GRM5: variants seen among roughly 807,000 people sequenced by gnomAD.
GRM5 encodes the protein glutamate metabotropic receptor 5.
A neutral mutation model predicts 83.1 loss-of-function variants in GRM5; 19 were observed. The ratio of observed to expected loss-of-function variants is 0.23; its 90% CI spans 0.16 to 0.34. The LOEUF (loss-of-function observed/expected upper bound fraction) is 0.34. Among genes scored for constraint, GRM5 ranks in the 10% least tolerant of loss-of-function variants. GRM5 has a pLI of 1.00. For synonymous variants in GRM5, 675 were observed against 633.6 expected, an observed-to-expected ratio of 1.07 and a Z score of -0.98; for missense variants, 1,160 against 1,588.3, an observed-to-expected ratio of 0.73 and a Z score of 4.58.
At chr11:88,597,395 A>T in intron 5 of GRM5, 43 bp from the exon 6 acceptor site, 1 of 1,075,202 alleles carries the variant, frequency 9.3e-7, no homozygotes, top group Non-Finnish European at 1.3e-6. Flanking sequence ...TAAGATGTAA[A>T]TACTCAGCTT....
chr11:88,635,855 C>T (rs1939104452), intron 4 of GRM5, among the ~76,000 whole-genome samples: 1 of 152,154 alleles, frequency 6.6e-6, no homozygotes, highest in African/African-American at 2.4e-5. Context: ...TGAGTTGATT[C>T]TCGTCTATGG....
chr11:88,736,098 C>T (rs890127026), intron 3 of GRM5, among the ~76,000 whole-genome samples: 15 of 151,956 alleles, frequency 9.9e-5, no homozygotes, highest in African/African-American at 3.4e-4. Flanking sequence ...CTTAGAAAAA[C>T]CTGTTCACCA....
Position 88,857,767 on chromosome 11 carries a change from G to A in GRM5, c.662-7612C>T, listed in dbSNP as rs145970771. On this transcript the variant is annotated intron_variant, in intron 2 of 9. Transcript: ENST00000305447. ...AAACATTGTATATACTTATTTTTAT[G>A]CAAATAAAGAAGGAAGTTAAATGAT... Among the ~76,000 whole-genome samples, 928 of 151,938 alleles carry A rather than the reference G, an allele frequency of 6.1e-3. 14 individuals carry two copies. Among genetic ancestry groups the A allele is most frequent in the African/African-American group, 0.021 (873 of 41,438 alleles).
At chr11:89,016,413 T>C (rs1020750055) in intron 2 of GRM5, among the ~76,000 whole-genome samples, 2 of 151,910 alleles carry the variant, frequency 1.3e-5, no homozygotes, top group African/African-American at 4.8e-5. Flanking sequence ...CTGACATGTC[T>C]TTATATAAGG....
At chr11:88,640,856 G>C (rs183157683) in intron 4 of GRM5, among the ~76,000 whole-genome samples, 3 of 152,234 alleles carry the variant, frequency 2.0e-5, no homozygotes, top group African/African-American at 7.2e-5. Flanking sequence ...TTCAGCTATT[G>C]GGAGGCTATC....
chr11:88,507,525 A>G lies in GRM5; in HGVS notation c.*1067T>C, dbSNP rs1941208861. On this transcript the variant is annotated 3_prime_UTR_variant, in exon 10 of 10. Coordinates refer to ENST00000305447, the MANE Select transcript of GRM5 (RefSeq NM_001143831.3). Reference sequence around the variant, plus strand: ...TCATGACAATGTCTTCATGGGGTCTATGGACCACTCTTCCAGTGGTGGGAC... The same window carrying G: ...TCATGACAATGTCTTCATGGGGTCTGTGGACCACTCTTCCAGTGGTGGGAC... The G allele has an allele frequency of 6.6e-6, 1 of 152,216 alleles. No individual in the cohort carries two copies. The highest frequency in any genetic ancestry group is 1.5e-5 in the Non-Finnish European group (1 of 68,022). 9.4% of individuals were successfully genotyped at this position (152,216 alleles called of 1,614,324 possible).
chr11:88,686,491 C>T (rs1035346893), intron 3 of GRM5, among the ~76,000 whole-genome samples: 5 of 152,000 alleles, frequency 3.3e-5, no homozygotes, highest in East Asian at 3.9e-4. Context: ...AGGGAAGACA[C>T]GCTTGGTTTT....
intron 4 of GRM5, among the ~76,000 whole-genome samples, chr11:88,630,497 C>T (rs1938933090): frequency 6.6e-6 from 1 of 151,292 alleles, no homozygotes. Context: ...TCCAGGGTTG[C>T]CCAATGTTGC....
intron 3 of GRM5, among the ~76,000 whole-genome samples, chr11:88,709,536 A>ACC (rs143661581): frequency 3.8e-4 from 58 of 152,198 alleles, no homozygotes; most frequent in Non-Finnish European, 4.9e-4. Flanking sequence ...TCAAAATCCA[A>ACC]CCCACCTCTC....
At chr11:88,791,821 A>G (rs1250485106) in intron 3 of GRM5, among the ~76,000 whole-genome samples, 1 of 152,096 alleles carries the variant, frequency 6.6e-6, no homozygotes, top group Admixed American at 6.5e-5. Flanking sequence ...AGAGGTTTAT[A>G]TTCTTTCATT....
rs372994807 is a variant in GRM5, at chr11:88,509,683, CTTGTT to C, written c.2727-184_2727-180del. Among the ~76,000 whole-genome samples, 900 of 152,290 alleles carry C rather than the reference CTTGTT, an allele frequency of 5.9e-3. 11 individuals are homozygous for C. Among genetic ancestry groups the C allele is most frequent in the African/African-American group, 0.02 (847 of 41,566 alleles). On this transcript the variant is annotated intron_variant, in intron 9 of 9. Coordinates refer to ENST00000305447, the MANE Select transcript of GRM5 (RefSeq NM_001143831.3). Reference sequence around the variant, plus strand: ...AGACCTTGGAAGTGGCTTTCCTTTGCTTGTTTTGAGTTAAAGACTGCTTTCTATAT... The same window carrying C: ...AGACCTTGGAAGTGGCTTTCCTTTGCTTGAGTTAAAGACTGCTTTCTATAT...
chr11:88,793,788 G>T (rs1053914551), intron 3 of GRM5, among the ~76,000 whole-genome samples: 5 of 152,110 alleles, frequency 3.3e-5, no homozygotes, highest in African/African-American at 1.2e-4. Flanking sequence ...GATAGGTTGG[G>T]AAAGGAAACA....
chr11:89,033,103 T>A (rs1941300190), intron 2 of GRM5, among the ~76,000 whole-genome samples: 1 of 152,006 alleles, frequency 6.6e-6, no homozygotes, highest in African/African-American at 2.4e-5. Context: ...ATAATTAATT[T>A]ATCAGGCAGT....
intron 3 of GRM5, among the ~76,000 whole-genome samples, chr11:88,842,536 C>T (rs1391955): frequency 0.41 from 62,282 of 151,972 alleles, 12,915 homozygotes; most frequent in East Asian, 0.49. Flanking sequence ...ATCCAAATGG[C>T]CATTTCAGTG....
chr11:89,053,884 A>G (rs1941814545), intron 1 of GRM5, among the ~76,000 whole-genome samples: 1 of 152,148 alleles, frequency 6.6e-6, no homozygotes, highest in Non-Finnish European at 1.5e-5. Flanking sequence ...AGCCCCTAAG[A>G]CAGACTTAAT....
At chr11:88,968,282 C>T (rs1359424756) in intron 2 of GRM5, among the ~76,000 whole-genome samples, 1 of 151,938 alleles carries the variant, frequency 6.6e-6, no homozygotes, top group Non-Finnish European at 1.5e-5. Flanking sequence ...CTTAAACAGG[C>T]AGGAATATAT....
intron 3 of GRM5, among the ~76,000 whole-genome samples, chr11:88,730,830 G>A (rs180936004): frequency 3.9e-5 from 6 of 152,186 alleles, no homozygotes; most frequent in Admixed American, 2.6e-4. Flanking sequence ...AGAACACATG[G>A]ACACAGGGAG....
chr11:88,641,449 C>A (rs1268119523), intron 4 of GRM5, among the ~76,000 whole-genome samples: 1 of 152,092 alleles, frequency 6.6e-6, no homozygotes, highest in Non-Finnish European at 1.5e-5. Flanking sequence ...ACAATCACTT[C>A]TCAACAGTCC....
intron 5 of GRM5, among the ~76,000 whole-genome samples, chr11:88,603,558 A>G (rs1446665944): frequency 6.6e-6 from 1 of 152,222 alleles, no homozygotes; most frequent in East Asian, 1.9e-4. Context: ...GCCAAAAAGT[A>G]GAAAACAACA....
Sources: allele counts gnomAD v4.1 joint callset (sites outside exome capture counted in the v4.1 genomes callset), GRCh38; gene constraint gnomAD v4.1.1; transcripts MANE v1.5; gene names NCBI Gene and HGNC (gene_info 2026-07-23, HGNC 2026-07-21).